The following CNTN5 variants were observed in gnomAD, a reference collection of about 807,000 sequenced individuals.
CNTN5 encodes contactin-5.
Under a neutral mutation model 129.1 loss-of-function variants are expected in CNTN5, and 77 were observed. The observed-to-expected ratio is 0.60, with a 90% CI of 0.50 to 0.72. CNTN5 has a LOEUF of 0.72. CNTN5 is among the 30% of genes least tolerant of loss of function. CNTN5 has a pLI of 0.00. For synonymous variants in CNTN5, 509 were observed against 465.6 expected (o/e 1.09, Z -1.20); for missense variants, 1,478 against 1,328.8 (o/e 1.11, Z -1.75).
At chr11:99,430,272 CTTT>C (rs1565575732) in intron 2 of CNTN5, among the ~76,000 whole-genome samples, 5 of 151,550 alleles carry the variant, frequency 3.3e-5, no homozygotes, top group Non-Finnish European at 7.4e-5. Flanking sequence ...CACGTGTTTT[CTTT>C]TTTGTTTAAA....
chr11:99,156,664 C>A (rs527762057), intron 1 of CNTN5, among the ~76,000 whole-genome samples: 5 of 151,786 alleles, frequency 3.3e-5, no homozygotes, highest in Non-Finnish European at 7.4e-5. Flanking sequence ...ATCTGTTAAC[C>A]TTTTTCTCAA....
Position 100,182,203 on chromosome 11 carries a change from A to C in CNTN5, c.1581-8923A>C, listed in dbSNP as rs144183432. ...AGTGATGTAAAGCCTGTGGGAAAAT[A>C]CAGTGTTTTAGTTTGGGCAGCTGTA... On this transcript the variant is annotated intron_variant, in intron 13 of 24. Transcript: ENST00000524871. Among the ~76,000 whole-genome samples the C allele has an allele frequency of 1.5e-3, 232 of 152,172 alleles. 2 individuals are homozygous for C. The highest frequency in any genetic ancestry group is 5.4e-3 in the African/African-American group (224 of 41,546).
chr11:99,610,450 G>A (rs1165442094), intron 3 of CNTN5, among the ~76,000 whole-genome samples: 2 of 152,146 alleles, frequency 1.3e-5, no homozygotes, highest in African/African-American at 4.8e-5. Flanking sequence ...ATGGAGGAAG[G>A]TGGATAGGGA....
chr11:99,576,540 G>GATA (rs1358100641), intron 3 of CNTN5, among the ~76,000 whole-genome samples: 1 of 152,160 alleles, frequency 6.6e-6, no homozygotes, highest in African/African-American at 2.4e-5. Flanking sequence ...AGACACTGTA[G>GATA]ATAAACCAGA....
intron 7 of CNTN5, among the ~76,000 whole-genome samples, chr11:99,935,559 C>CGT (rs555246115): frequency 6.9e-4 from 104 of 150,954 alleles, no homozygotes; most frequent in African/African-American, 1.8e-3. Context: ...AATAGAGAAC[C>CGT]GTGTGTGTGT....
intron 1 of CNTN5, among the ~76,000 whole-genome samples, chr11:99,213,409 T>C (rs141505769): frequency 0.021 from 2,799 of 130,208 alleles, 115 homozygotes; most frequent in African/African-American, 0.069. Flanking sequence ...TATACACATA[T>C]ATGTATATAC....
intron 18 of CNTN5, among the ~76,000 whole-genome samples, chr11:100,272,942 C>A (rs1248807518): frequency 6.6e-6 from 1 of 152,116 alleles, no homozygotes; most frequent in Non-Finnish European, 1.5e-5. Context: ...GGTGCAAGAG[C>A]ATCTGTAGTG....
At chr11:99,545,549 C>T (rs1295552978) in intron 2 of CNTN5, among the ~76,000 whole-genome samples, 1 of 151,900 alleles carries the variant, frequency 6.6e-6, no homozygotes, top group African/African-American at 2.4e-5. Context: ...AGACCATGGC[C>T]CTAAAATCTT....
chr11:99,633,731 A>T (rs921777902), intron 3 of CNTN5, among the ~76,000 whole-genome samples: 1 of 152,198 alleles, frequency 6.6e-6, no homozygotes, highest in African/African-American at 2.4e-5. Context: ...GATCAGGAAA[A>T]GTGCAGCAAT....
intron 18 of CNTN5, 25 bp from the exon 19 acceptor site, chr11:100,297,599 CA>C (rs1393483674): frequency 5.0e-5 from 79 of 1,580,534 alleles, no homozygotes; most frequent in Non-Finnish European, 6.7e-5. Context: ...TTTTTCTCCT[CA>C]CTCTCCACCC....
intron 2 of CNTN5, among the ~76,000 whole-genome samples, chr11:99,474,510 A>G (rs553946639): frequency 6.6e-6 from 1 of 152,236 alleles, no homozygotes; most frequent in South Asian, 2.1e-4. Flanking sequence ...TTCTAATAAA[A>G]AAAGCCCATT....
intron 2 of CNTN5, among the ~76,000 whole-genome samples, chr11:99,328,623 C>A (rs1203428686): frequency 1.3e-5 from 2 of 151,958 alleles, no homozygotes; most frequent in African/African-American, 2.4e-5. Flanking sequence ...GTAATCCCAG[C>A]CCTTTGGAAG....
At chr11:99,192,313 C>G (rs1046171956) in intron 1 of CNTN5, among the ~76,000 whole-genome samples, 4 of 151,718 alleles carry the variant, frequency 2.6e-5, no homozygotes, top group Admixed American at 2.6e-4. Context: ...GGCAACCTAC[C>G]AAGACTTAAT....
chr11:100,120,275 TG>T (rs1363924874), intron 13 of CNTN5, among the ~76,000 whole-genome samples: 1 of 152,024 alleles, frequency 6.6e-6, no homozygotes, highest in African/African-American at 2.4e-5. Context: ...ATTGACAAAT[TG>T]CTCTCCGGGG....
intron 4 of CNTN5, among the ~76,000 whole-genome samples, chr11:99,842,398 C>T (rs977979684): frequency 6.6e-6 from 1 of 152,120 alleles, no homozygotes; most frequent in Admixed American, 6.5e-5. Flanking sequence ...TTGCAATATA[C>T]AAGGTATTTG....
chr11:99,160,863 A>T (rs990128972), intron 1 of CNTN5, among the ~76,000 whole-genome samples: 8 of 152,220 alleles, frequency 5.3e-5, no homozygotes, highest in Non-Finnish European at 1.2e-4. Context: ...TACATATTAC[A>T]TGCCAAGAGA....
Position 100,185,034 on chromosome 11 carries a change from A to C in CNTN5, c.1581-6092A>C, listed in dbSNP as rs535100625. ...TCTCTCTCCTGCCGCCATGTGAAGAAGGACATGTTTGCTTCCCTTTTCTCC... is the reference window on the plus strand; with the variant it reads ...TCTCTCTCCTGCCGCCATGTGAAGACGGACATGTTTGCTTCCCTTTTCTCC... On this transcript the variant is annotated intron_variant, in intron 13 of 24. Transcript: ENST00000524871. Among the ~76,000 whole-genome samples the C allele has an allele frequency of 3.9e-5, 6 of 152,148 alleles. No individual in the cohort carries two copies. In the East Asian group the frequency reaches 9.7e-4, roughly 25 times the overall value.
intron 1 of CNTN5, among the ~76,000 whole-genome samples, chr11:99,155,970 T>C (rs576465740): frequency 2.0e-5 from 3 of 152,066 alleles, no homozygotes; most frequent in Non-Finnish European, 2.9e-5. Context: ...CAAGCGAGGA[T>C]AAAACCTAGA....
chr11:99,522,251 C>G (rs1363782723), intron 2 of CNTN5, among the ~76,000 whole-genome samples: 1 of 152,036 alleles, frequency 6.6e-6, no homozygotes, highest in Non-Finnish European at 1.5e-5. Flanking sequence ...AATTAAAATA[C>G]CATCTTTTAG....
Sources: allele counts gnomAD v4.1 joint callset (sites outside exome capture counted in the v4.1 genomes callset), GRCh38; gene constraint gnomAD v4.1.1; transcripts MANE v1.5; gene names NCBI Gene and HGNC (gene_info 2026-07-23, HGNC 2026-07-21).